EGF: variants seen among roughly 807,000 people sequenced by gnomAD.
The protein encoded by EGF is pro-epidermal growth factor.
A neutral mutation model predicts 143.8 loss-of-function variants in EGF; 95 were observed. The ratio of observed to expected loss-of-function variants is 0.66; its 90% CI spans 0.56 to 0.78. The LOEUF is 0.78. EGF is among the 30% of genes least tolerant of loss of function. The probability of loss-of-function intolerance (pLI) is 0.00; values close to 1 mark genes in which losing one functional copy is unlikely to be tolerated. For synonymous variants in EGF, 510 were observed against 510.5 expected, an observed-to-expected ratio of 1.00 and a Z score of 0.01; for missense variants, 1,320 against 1,470.9, an observed-to-expected ratio of 0.90 and a Z score of 1.68.
intron 10 of EGF, among the ~76,000 whole-genome samples, chr4:109,965,011 G>A (rs1233948593): frequency 3.9e-5 from 6 of 152,074 alleles, no homozygotes; most frequent in African/African-American, 7.2e-5. Flanking sequence ...ATCAGGGAAC[G>A]TAAGTTTTAT....
At chr4:109,917,426 T>G (rs1736860028) in intron 1 of EGF, among the ~76,000 whole-genome samples, 1 of 152,206 alleles carries the variant, frequency 6.6e-6, no homozygotes, top group Non-Finnish European at 1.5e-5. Context: ...TCTGCCTTTA[T>G]GAAAATCCAT....
intron 10 of EGF, among the ~76,000 whole-genome samples, chr4:109,965,147 T>C (rs1392886156): frequency 6.6e-6 from 1 of 152,202 alleles, no homozygotes; most frequent in African/African-American, 2.4e-5. Context: ...TAGTTGTATC[T>C]GTGCTAGGTT....
intron 19 of EGF, 124 bp downstream of exon 19, chr4:109,993,493 T>C: frequency 1.4e-6 from 2 of 1,396,850 alleles, no homozygotes; most frequent in South Asian, 1.3e-5. Context: ...CAGAGCTGGC[T>C]TTCCTGATTA....
In EGF at chr4:109,954,142, C is replaced by T. The variant is rs534158992; in HGVS notation, c.941-5170C>T. Among the ~76,000 whole-genome samples the T allele has an allele frequency of 2.6e-5, 4 of 152,286 alleles. No individual in the cohort carries two copies. In the East Asian group the frequency reaches 5.8e-4, roughly 22 times the overall value. On this transcript the variant is annotated intron_variant, in intron 5 of 23. Coordinates refer to ENST00000265171, the MANE Select transcript of EGF (RefSeq NM_001963.6). ...TCTTGGCTCACTGCAACCTCCGCCT[C>T]CCAGGTTCAAGCAATTCTCATGTTT...
At position 109,976,101 on chromosome 4, in the gene EGF, A is replaced by G. The variant is rs376974586; in HGVS notation, c.1919A>G (p.Asp640Gly). 9.7e-5 allele frequency: 157 copies of G among 1,614,016 alleles called. No individual in the cohort carries two copies. Among genetic ancestry groups the G allele is most frequent in the Non-Finnish European group, 4.9e-5 (58 of 1,179,974 alleles). ...GGCCGTCTGGTTATAGCCAGCTCTG[A>G]TCTAATCTGGCCCAGTGGAATAACG... ...GLGRLVIASS[D>G]LIWPSGITID... Residue 640 changes from aspartate (D) to glycine (G), a missense_variant, in exon 13 of 24, where the codon GAT (aspartate) becomes GGT (glycine). By Grantham distance (94) the Asp-to-Gly change is moderately conservative (BLOSUM62 -1). This residue lies in a region of EGF where 1,186 missense variants were observed against 1,313.7 expected (regional missense o/e 0.90). Transcript: ENST00000265171.
chr4:109,948,570 A>G (rs1743256235), intron 5 of EGF, among the ~76,000 whole-genome samples: 1 of 151,750 alleles, frequency 6.6e-6, no homozygotes, highest in African/African-American at 2.4e-5. Context: ...TGCAACCTCC[A>G]TTTCCTGACA....
chr4:109,974,829 G>T (rs751969937), intron 12 of EGF, 22 bp downstream of exon 12: 3 of 1,573,324 alleles, frequency 1.9e-6, no homozygotes, highest in African/African-American at 2.7e-5. Flanking sequence ...TAAAAATAAG[G>T]CACTGCTCTG....
In EGF at chr4:109,963,256, G is replaced by A; in HGVS notation, c.1396G>A (p.Gly466Arg). ...PVSWECDCFPGYDLQLDEKSC... is the reference protein window; with the variant it reads ...PVSWECDCFPRYDLQLDEKSC... ...ATCCTGGGAATGTGATTGCTTTCCT[G>A]GGTATGACCTACAACTGGATGAAAA... The change falls in exon 9 of 24, where the codon GGG becomes AGG. Residue 466 changes from glycine to arginine, a missense_variant. Gly to Arg is a moderately radical substitution (Grantham distance 125, BLOSUM62 -2). This residue lies in a region of EGF where 1,186 missense variants were observed against 1,313.7 expected (regional missense o/e 0.90). Coordinates refer to ENST00000265171, the MANE Select transcript of EGF (RefSeq NM_001963.6). The A allele has an allele frequency of 6.2e-7, 1 of 1,613,986 alleles. No homozygotes were observed. The highest frequency in any genetic ancestry group is 8.5e-7 in the Non-Finnish European group (1 of 1,179,948).
At chr4:109,925,231 TA>T (rs1553928311) in intron 1 of EGF, among the ~76,000 whole-genome samples, 2 of 152,134 alleles carry the variant, frequency 1.3e-5, no homozygotes, top group Non-Finnish European at 1.5e-5. Flanking sequence ...GACAACAAAT[TA>T]AAATGTGTTC....
intron 20 of EGF, among the ~76,000 whole-genome samples, chr4:109,998,447 G>T (rs138249902): frequency 7.2e-5 from 11 of 152,310 alleles, no homozygotes; most frequent in African/African-American, 2.6e-4. Context: ...AGAACCATTG[G>T]AGTCAAACCT....
At chr4:109,967,598 A>T (rs1444214596) in intron 10 of EGF, among the ~76,000 whole-genome samples, 1 of 152,154 alleles carries the variant, frequency 6.6e-6, no homozygotes, top group Non-Finnish European at 1.5e-5. Flanking sequence ...TTTGATAAGA[A>T]TTGCATTGTA....
intron 5 of EGF, among the ~76,000 whole-genome samples, chr4:109,952,038 C>T (rs185423749): frequency 1.2e-3 from 185 of 152,230 alleles, no homozygotes; most frequent in Admixed American, 2.1e-3. Flanking sequence ...AAAACAGGCA[C>T]AGAATGAATC....
chr4:109,919,291 C>G (rs1345669784), intron 1 of EGF, among the ~76,000 whole-genome samples: 13 of 20,944 alleles, frequency 6.2e-4, no homozygotes, highest in East Asian at 2.7e-3. Flanking sequence ...TTCTCTGTCT[C>G]TCTCTCTCTC....
At position 109,964,544 on chromosome 4, in the gene EGF, T is replaced by G. The variant is rs760072897; in HGVS notation, c.1575+7T>G. The G allele has an allele frequency of 6.2e-7, 1 of 1,613,704 alleles. No homozygotes were observed. Among genetic ancestry groups the G allele is most frequent in the Non-Finnish European group, 8.5e-7 (1 of 1,179,680 alleles). On this transcript the variant is annotated splice_region_variant and intron_variant, in intron 10 of 23. Transcript: ENST00000265171. ...TGACCCTGTGGAAAATAAGGTATGG[T>G]TTTGTTACTTGAACAGATGTGGACA...
intron 1 of EGF, among the ~76,000 whole-genome samples, chr4:109,937,611 T>C (rs1353712301): frequency 2.0e-5 from 3 of 152,230 alleles, no homozygotes; most frequent in Non-Finnish European, 4.4e-5. Context: ...ATAGCGTCCA[T>C]GGTCTTTACC....
At position 109,932,377 on chromosome 4, in the gene EGF, A is replaced by ATATAT. The variant is rs1553929849; in HGVS notation, c.128-8569_128-8568insTATAT. On this transcript the variant is annotated intron_variant, in intron 1 of 23. Transcript: ENST00000265171. ...CATTTAGTCATATATATATATATAT[A>ATATAT]AATTTTTTTTTTTTTTTTTGAGACG... Among the ~76,000 whole-genome samples, 56 of 123,962 alleles carry ATATAT rather than the reference A, an allele frequency of 4.5e-4. 2 individuals are homozygous for ATATAT. Among genetic ancestry groups the ATATAT allele is most frequent in the African/African-American group, 1.6e-3 (47 of 28,964 alleles). The allele number at this position is 123,962 out of a possible 152,430, so 81.3% of individuals were successfully genotyped here. A position where few individuals can be genotyped will look rare whatever the true frequency, so the allele number is the denominator to read the frequency against.
intron 21 of EGF, chr4:110,004,247 C>CACACAG (rs2126187021): frequency 4.1e-6 from 2 of 491,162 alleles, no homozygotes; most frequent in East Asian, 9.1e-5. Flanking sequence ...CACACACACA[C>CACACAG]ACACAAACAC....
chr4:109,925,640 A>G (rs2298982), intron 1 of EGF, among the ~76,000 whole-genome samples: 24,495 of 152,212 alleles, frequency 0.16, 2,948 homozygotes, highest in East Asian at 0.38. Context: ...AGCCACTATC[A>G]TAATTACCTC....
chr4:110,002,136 C>A, intron 21 of EGF: 1 of 698,064 alleles, frequency 1.4e-6, no homozygotes, highest in Non-Finnish European at 1.8e-6. Context: ...TCCCTTATAC[C>A]ATTCCTTGCC....
Sources: gnomAD v4.1 joint callset for allele counts (sites outside exome capture counted in the v4.1 genomes callset) on GRCh38, gnomAD v4.1.1 for gene constraint, gnomAD v4.1.1 regional missense constraint, MANE v1.5 for transcripts, NCBI Gene and HGNC (gene_info 2026-07-23, HGNC 2026-07-21) for gene names.